TMEM108: variants seen among roughly 807,000 people sequenced by gnomAD.
The protein encoded by TMEM108 is transmembrane protein 108, also known as cancer/testis antigen 124.
Under a neutral mutation model 35.1 loss-of-function variants are expected in TMEM108, and 12 were observed. That is an observed-to-expected ratio of 0.34 (90% CI 0.22 to 0.55). The LOEUF is 0.55. Among genes scored for constraint, TMEM108 ranks in the 20% least tolerant of loss-of-function variants. TMEM108 has a pLI of 0.89. For synonymous variants in TMEM108, 287 were observed against 308.6 expected (o/e 0.93, Z 0.73); for missense variants, 680 against 753.3 (o/e 0.90, Z 1.14).
intron 2 of TMEM108, among the ~76,000 whole-genome samples, chr3:133,086,178 C>T (rs1943879503): frequency 6.6e-6 from 1 of 152,148 alleles, no homozygotes; most frequent in Admixed American, 6.5e-5. Context: ...TTCTGGAGTC[C>T]AGAGGTTCTC....
At chr3:133,344,747 T>C (rs1210059925) in intron 3 of TMEM108, among the ~76,000 whole-genome samples, 1 of 151,772 alleles carries the variant, frequency 6.6e-6, no homozygotes, top group Non-Finnish European at 1.5e-5. Flanking sequence ...AAAAATTTGG[T>C]ATGAGAAAAG....
At chr3:133,328,706 A>G (rs1455262941) in intron 3 of TMEM108, among the ~76,000 whole-genome samples, 1 of 152,208 alleles carries the variant, frequency 6.6e-6, no homozygotes, top group Non-Finnish European at 1.5e-5. Flanking sequence ...ACTGTCATGC[A>G]GCTGCAGACA....
intron 3 of TMEM108, among the ~76,000 whole-genome samples, chr3:133,269,207 A>T (rs571829947): frequency 6.6e-6 from 1 of 152,360 alleles, no homozygotes; most frequent in East Asian, 1.9e-4. Flanking sequence ...TCAGATGAAT[A>T]TGCTGCTAGT....
At chr3:133,112,848 A>T (rs974448763) in intron 2 of TMEM108, among the ~76,000 whole-genome samples, 2 of 152,210 alleles carry the variant, frequency 1.3e-5, no homozygotes, top group African/African-American at 4.8e-5. Flanking sequence ...TGTTCTGAGA[A>T]TCACCATGCT....
chr3:133,107,363 A>G (rs772393545), intron 2 of TMEM108, among the ~76,000 whole-genome samples: 9 of 152,136 alleles, frequency 5.9e-5, no homozygotes, highest in Non-Finnish European at 7.3e-5. Flanking sequence ...TCTAGCATTC[A>G]TAGAAGATTA....
rs2073306817 is a variant in TMEM108 at position 133,396,369 on chromosome 3, C to T, written c.*383C>T. On this transcript the variant is annotated 3_prime_UTR_variant, in exon 6 of 6. Transcript: ENST00000321871. ...TTGAGTGATTCTTAAAGCTCTGGTT[C>T]CTCTTGATTTGGTGTGACCCCATTT... 6.5e-6 allele frequency: 1 copy of T among 153,516 alleles called. No homozygotes were observed. 9.5% of individuals were successfully genotyped at this position (153,516 alleles called of 1,614,324 possible).
At chr3:133,202,999 G>A (rs1945694234) in intron 2 of TMEM108, among the ~76,000 whole-genome samples, 1 of 152,022 alleles carries the variant, frequency 6.6e-6, no homozygotes, top group Admixed American at 6.5e-5. Context: ...CCTTGAAGAG[G>A]TCCTTCACAT....
intron 2 of TMEM108, among the ~76,000 whole-genome samples, chr3:133,140,572 T>C (rs1486417995): frequency 6.6e-6 from 1 of 152,222 alleles, no homozygotes; most frequent in Non-Finnish European, 1.5e-5. Context: ...ATAAGATCTT[T>C]TTTTGAGAAA....
chr3:133,065,649 G>T (rs993311853), intron 2 of TMEM108, among the ~76,000 whole-genome samples: 1 of 151,968 alleles, frequency 6.6e-6, no homozygotes, highest in African/African-American at 2.4e-5. Flanking sequence ...ATTCATAACT[G>T]GGCCAATTCT....
rs76268249 is a variant in TMEM108 at position 133,150,666 on chromosome 3, A to G, written c.-46-78600A>G. Among the ~76,000 whole-genome samples the G allele has an allele frequency of 7.2e-5, 11 of 152,304 alleles. No homozygotes were observed. In the East Asian group the frequency reaches 1.7e-3, roughly 24 times the overall value. ...GCGTGTGAGCCCCCAGACCAAGAAC[A>G]TGATGGATAGCTTAGCTTTAAAAAA... On this transcript the variant is annotated intron_variant, in intron 2 of 5. Transcript: ENST00000321871.
At chr3:133,086,159 C>T (rs4582059) in intron 2 of TMEM108, among the ~76,000 whole-genome samples, 36,339 of 152,106 alleles carry the variant, frequency 0.24, 4,514 homozygotes, top group East Asian at 0.31. Flanking sequence ...CCTTTGTGGC[C>T]TTTTCTGCTT....
chr3:133,107,872 T>C (rs531958828), intron 2 of TMEM108, among the ~76,000 whole-genome samples: 4 of 152,206 alleles, frequency 2.6e-5, no homozygotes, highest in Non-Finnish European at 5.9e-5. Context: ...GAGGAGGTAG[T>C]CTAAAGTGGC....
chr3:133,376,754 G>C (rs1323640780), intron 3 of TMEM108, among the ~76,000 whole-genome samples: 1 of 152,122 alleles, frequency 6.6e-6, no homozygotes, highest in Non-Finnish European at 1.5e-5. Flanking sequence ...ACTAATCTCA[G>C]ACCCCCACGG....
In TMEM108 at chr3:133,059,572, GT is replaced by G. The variant is rs563959010; in HGVS notation, c.-47+13556del. Among the ~76,000 whole-genome samples the G allele has an allele frequency of 1.3e-4, 20 of 152,300 alleles. No homozygotes were observed. The South Asian group carries it at 4.1e-3, about 32-fold the overall frequency. On this transcript the variant is annotated intron_variant, in intron 2 of 5. Coordinates refer to ENST00000321871, the MANE Select transcript of TMEM108 (RefSeq NM_023943.4). ...CTACTAGGAAATGAGAGAGGCCTAGGTTTTCTTCTTTCAGACCTCGCATAAA... is the reference window on the plus strand; with the variant it reads ...CTACTAGGAAATGAGAGAGGCCTAGGTTTCTTCTTTCAGACCTCGCATAAA...
intron 2 of TMEM108, among the ~76,000 whole-genome samples, chr3:133,157,667 T>C (rs76054916): frequency 6.6e-6 from 1 of 152,320 alleles, no homozygotes; most frequent in East Asian, 1.9e-4. Context: ...AAGTTAAGGA[T>C]AGCAAGTTCT....
chr3:133,367,284 A>C (rs1421838833), intron 3 of TMEM108, among the ~76,000 whole-genome samples: 1 of 152,228 alleles, frequency 6.6e-6, no homozygotes, highest in Non-Finnish European at 1.5e-5. Flanking sequence ...AGTGCCTAGC[A>C]CATAGTAGAC....
chr3:133,235,612 G>A (rs776293115), intron 3 of TMEM108, among the ~76,000 whole-genome samples: 1 of 152,124 alleles, frequency 6.6e-6, no homozygotes. Flanking sequence ...GGTATTGAAT[G>A]AGATGACATG....
At chr3:133,228,861 A>T (rs900261948) in intron 2 of TMEM108, among the ~76,000 whole-genome samples, 3 of 152,194 alleles carry the variant, frequency 2.0e-5, no homozygotes, top group Non-Finnish European at 4.4e-5. Context: ...AGTGTGGCGA[A>T]GCTTTCTGGC....
intron 3 of TMEM108, among the ~76,000 whole-genome samples, chr3:133,297,015 G>A (rs574330212): frequency 2.0e-5 from 3 of 152,274 alleles, no homozygotes; most frequent in South Asian, 2.1e-4. Context: ...CAAGGCCCAG[G>A]TCTGAGCTTA....
Sources: allele counts gnomAD v4.1 joint callset (sites outside exome capture counted in the v4.1 genomes callset), GRCh38; gene constraint gnomAD v4.1.1; transcripts MANE v1.5; gene names NCBI Gene and HGNC (gene_info 2026-07-23, HGNC 2026-07-21).